Variants in TRANK1 observed in about 807,000 individuals in gnomAD.
The protein encoded by TRANK1 is TPR and ankyrin repeat-containing protein 1.
TRANK1 carries 198 observed loss-of-function variants against 266.0 expected under a neutral mutation model. That is an observed-to-expected ratio of 0.74 (90% CI 0.66 to 0.84). The LOEUF is 0.84. Ranked by LOEUF, TRANK1 falls within the 40% of genes least tolerant of loss-of-function variation. TRANK1 has a pLI of 0.00. For missense variants in TRANK1, 3,326 were observed against 3,634.6 expected, an observed-to-expected ratio of 0.92 and a Z score of 2.18; for synonymous variants, 1,396 against 1,384.1, an observed-to-expected ratio of 1.01 and a Z score of -0.19.
intron 9 of TRANK1, among the ~76,000 whole-genome samples, chr3:36,870,332 G>A (rs1338289657): frequency 3.3e-5 from 5 of 151,956 alleles, no homozygotes; most frequent in African/African-American, 9.7e-5. Context: ...GCTTGGACCC[G>A]GGAGATGGAG....
rs2078717859 is a variant in TRANK1, at chr3:36,832,963, T to C, written c.6620A>G (p.Glu2207Gly). 2 of 1,611,546 alleles carry C rather than the reference T, an allele frequency of 1.2e-6. No individual in the cohort carries two copies. Among genetic ancestry groups the C allele is most frequent in the Non-Finnish European group, 1.7e-6 (2 of 1,178,508 alleles). The change falls in exon 22 of 24, where the codon GAA becomes GGA. Residue 2207 changes from glutamate (E) to glycine (G), a missense_variant. By Grantham distance (98) the Glu-to-Gly change is moderately conservative. Coordinates refer to ENST00000645898, the MANE Select transcript of TRANK1 (RefSeq NM_001329998.2). ...VGLKCEDENC[E>G]HFHRPLRRCE... ...ACGCCGCAGAGGCCTGTGAAAATGT[T>C]CACAGTTTTCATCCTCACATTTTAA...
intron 8 of TRANK1, 37 bp from the exon 9 acceptor site, chr3:36,874,333 G>C (rs1331631382): frequency 1.3e-6 from 2 of 1,527,602 alleles, no homozygotes; most frequent in Admixed American, 2.0e-5. Context: ...TGTTTGTCAT[G>C]GTTCCTTCCA....
intron 22 of TRANK1, among the ~76,000 whole-genome samples, chr3:36,829,979 A>G (rs2078673047): frequency 6.6e-6 from 1 of 152,234 alleles, no homozygotes; most frequent in East Asian, 1.9e-4. Flanking sequence ...ACATTTTAAA[A>G]TATGCAATTT....
chr3:36,925,274 T>G (rs145984801), intron 1 of TRANK1, among the ~76,000 whole-genome samples: 18 of 152,362 alleles, frequency 1.2e-4, no homozygotes, highest in African/African-American at 4.3e-4. Flanking sequence ...GCCTGTTTTG[T>G]GCACATTTTA....
In TRANK1 at chr3:36,827,931, C is replaced by T. The variant is rs563004229; in HGVS notation, c.*344G>A. ...AGGAGAGTCTGTCCTAACACCTAGT[C>T]CTCTGCTACCAACTCATGTCATGAT... On this transcript the variant is annotated 3_prime_UTR_variant, in exon 24 of 24. Transcript: ENST00000645898. 4.2e-4 allele frequency: 95 copies of T among 226,190 alleles called. 2 individuals carry two copies. The South Asian group carries it at 6.5e-3, about 15-fold the overall frequency. 14.0% of individuals were successfully genotyped at this position (226,190 alleles called of 1,614,324 possible).
intron 9 of TRANK1, among the ~76,000 whole-genome samples, chr3:36,868,002 T>TCTGAG (rs902628266): frequency 1.3e-5 from 2 of 152,222 alleles, no homozygotes; most frequent in African/African-American, 4.8e-5. Flanking sequence ...GTTGTCCCAG[T>TCTGAG]CTGAGTGAGT....
At chr3:36,943,073 T>C (rs888302479) in intron 1 of TRANK1, among the ~76,000 whole-genome samples, 1 of 150,290 alleles carries the variant, frequency 6.7e-6, no homozygotes, top group African/African-American at 2.5e-5. Context: ...CCCCCCGTAA[T>C]CCCAGCTATT....
intron 12 of TRANK1, 64 bp from the exon 13 acceptor site, chr3:36,858,113 G>T: frequency 7.4e-7 from 1 of 1,358,446 alleles, no homozygotes; most frequent in South Asian, 1.5e-5. Context: ...AGCAGACCCT[G>T]GGGTTTGAGA....
chr3:36,943,146 C>G (rs1171213329), intron 1 of TRANK1, among the ~76,000 whole-genome samples: 1 of 151,736 alleles, frequency 6.6e-6, no homozygotes, highest in Non-Finnish European at 1.5e-5. Context: ...GAGCCGAGAT[C>G]GCCTCATTGC....
In TRANK1 at chr3:36,899,265, A is replaced by G. The variant is rs899058151; in HGVS notation, c.283-6T>C. 2 of 1,536,476 alleles carry G rather than the reference A, an allele frequency of 1.3e-6. No individual in the cohort carries two copies. Among genetic ancestry groups the G allele is most frequent in the Admixed American group, 3.9e-5 (2 of 50,752 alleles). ...TAACCAGCTCGGTAGTATCCCTGGA[A>G]CAGGATAAAAAGCAAAACTGTCATG... On this transcript the variant is annotated splice_region_variant and splice_polypyrimidine_tract_variant and intron_variant, in intron 3 of 23. Coordinates refer to ENST00000645898, the MANE Select transcript of TRANK1 (RefSeq NM_001329998.2).
At chr3:36,916,021 T>C (rs1232252917) in intron 1 of TRANK1, among the ~76,000 whole-genome samples, 1 of 152,172 alleles carries the variant, frequency 6.6e-6, no homozygotes, top group Non-Finnish European at 1.5e-5. Flanking sequence ...TTCATCTAAA[T>C]GCAACTGGGA....
chr3:36,903,062 A>G, intron 3 of TRANK1, 87 bp downstream of exon 3: 1 of 1,461,726 alleles, frequency 6.8e-7, no homozygotes, highest in South Asian at 1.4e-5. Context: ...CCACTGCCCC[A>G]CACTTTCTCT....
rs184527024 is a variant in TRANK1 at position 36,838,236 on chromosome 3, A to G, written c.5517+136T>C. The stretch of plus-strand genomic sequence containing the variant: ...CAAGTAGTGAAAGTAGGCTTCCCTT[A>G]GAGTCGCAGGGCCAGTGTCTCCCTC... On this transcript the variant is annotated intron_variant, in intron 20 of 23. Coordinates refer to ENST00000645898, the MANE Select transcript of TRANK1 (RefSeq NM_001329998.2). 5.8e-4 allele frequency: 774 copies of G among 1,343,890 alleles called. 8 individuals are homozygous for G. In the African/African-American group the frequency reaches 9.7e-3, roughly 17 times the overall value. 83.2% of individuals were successfully genotyped at this position (1,343,890 alleles called of 1,614,324 possible).
intron 1 of TRANK1, 21 bp downstream of exon 1, chr3:36,944,766 G>A: frequency 6.7e-7 from 1 of 1,499,896 alleles, no homozygotes; most frequent in South Asian, 1.2e-5. Flanking sequence ...ATGCCCCAGT[G>A]CTTCCCGCGC....
At chr3:36,880,629 C>T (rs1291438756) in intron 8 of TRANK1, 9 of 196,424 alleles carry the variant, frequency 4.6e-5, no homozygotes, top group Admixed American at 1.8e-4. Context: ...TTTCACTACA[C>T]ATCAATCTAC....
Position 36,832,218 on chromosome 3 carries a change from G to A in TRANK1, c.7365C>T (p.Leu2455=), listed in dbSNP as rs1299661330. 6.2e-7 allele frequency: 1 copy of A among 1,613,884 alleles called. No individual in the cohort carries two copies. Among genetic ancestry groups the A allele is most frequent in the Non-Finnish European group, 8.5e-7 (1 of 1,179,902 alleles). The change falls in exon 22 of 24, where the codon CTC becomes CTT. Residue 2455 remains leucine (L), a synonymous_variant. Coordinates refer to ENST00000645898, the MANE Select transcript of TRANK1 (RefSeq NM_001329998.2). ...LIPSIGNTVA[L]LEFQFIHCGV... ...CACAGTGGATGAACTGGAACTCCAG[G>A]AGGGCTACTGTGTTTCCAATGCTGG...
At chr3:36,937,816 G>A (rs1448913616) in intron 1 of TRANK1, among the ~76,000 whole-genome samples, 5 of 152,166 alleles carry the variant, frequency 3.3e-5, no homozygotes, top group East Asian at 1.9e-4. Context: ...GAGCAGCCCC[G>A]AAAAGGGAGT....
At chr3:36,898,085 C>T (rs1267085631) in intron 4 of TRANK1, among the ~76,000 whole-genome samples, 7 of 152,300 alleles carry the variant, frequency 4.6e-5, no homozygotes, top group Non-Finnish European at 5.9e-5. Flanking sequence ...TCACAGGACC[C>T]GCCATCGGCC....
intron 2 of TRANK1, among the ~76,000 whole-genome samples, chr3:36,904,974 C>T (rs2079940670): frequency 6.6e-6 from 1 of 151,878 alleles, no homozygotes; most frequent in African/African-American, 2.4e-5. Context: ...CTTCCCCCAT[C>T]CCCAACTGCC....
Sources: allele counts gnomAD v4.1 joint callset (sites outside exome capture counted in the v4.1 genomes callset), GRCh38; gene constraint gnomAD v4.1.1; transcripts MANE v1.5; gene names NCBI Gene and HGNC (gene_info 2026-07-23, HGNC 2026-07-21).